The following SVOP variants were observed in gnomAD, a reference collection of about 807,000 sequenced individuals.
SVOP encodes the protein SV2 related protein, also known as synaptic vesicle 2-related protein.
A neutral mutation model predicts 69.1 loss-of-function variants in SVOP; 17 were observed. The ratio of observed to expected loss-of-function variants is 0.25; its 90% confidence interval spans 0.17 to 0.37. SVOP has a LOEUF of 0.37. SVOP is among the 10% of genes least tolerant of loss of function. The probability of loss-of-function intolerance (pLI) is 1.00; values close to 1 mark genes in which losing one functional copy is unlikely to be tolerated. For missense variants in SVOP, 435 were observed against 597.5 expected, an observed-to-expected ratio of 0.73 and a Z score of 2.84; for synonymous variants, 238 against 238.6, an observed-to-expected ratio of 1.00 and a Z score of 0.02.
At chr12:108,929,247 GCTTCCTCCCCTATA>G (rs1293472570) in intron 11 of SVOP, among the ~76,000 whole-genome samples, 1 of 152,206 alleles carries the variant, frequency 6.6e-6, no homozygotes, top group African/African-American at 2.4e-5. Flanking sequence ...GGAAAGATAT[GCTTCCTCCCCTATA>G]CTTGCCTTCA....
chr12:108,966,164 C>T (rs1027406536), intron 5 of SVOP, among the ~76,000 whole-genome samples: 40 of 152,100 alleles, frequency 2.6e-4, no homozygotes, highest in Non-Finnish European at 7.3e-5. Context: ...TCATGCCTGG[C>T]TACATTTTCT....
intron 15 of SVOP, among the ~76,000 whole-genome samples, chr12:108,913,603 A>G (rs1421910645): frequency 6.6e-6 from 1 of 152,168 alleles, no homozygotes; most frequent in Non-Finnish European, 1.5e-5. Flanking sequence ...TGCCTGTGCC[A>G]ACTTCCTAGC....
Position 108,912,472 on chromosome 12 carries a change from T to C in SVOP, c.*63A>G, listed in dbSNP as rs1425910179. 3 of 1,604,430 alleles carry C rather than the reference T, an allele frequency of 1.9e-6. No individual in the cohort carries two copies. The highest frequency in any genetic ancestry group is 2.2e-5 in the East Asian group (1 of 44,688). On this transcript the variant is annotated 3_prime_UTR_variant, in exon 16 of 16. Coordinates refer to ENST00000610966, the MANE Select transcript of SVOP (RefSeq NM_018711.5). The stretch of plus-strand genomic sequence containing the variant: ...TCGGCAGTGACAATCAGTGCCCCAG[T>C]TGGGGCCTGCCAGCCCCCCAAGCTC...
At chr12:108,987,106 T>A (rs975295970) in intron 1 of SVOP, among the ~76,000 whole-genome samples, 1 of 152,200 alleles carries the variant, frequency 6.6e-6, no homozygotes, top group Non-Finnish European at 1.5e-5. Flanking sequence ...TGCTCCATTT[T>A]CCCCTATTCA....
chr12:108,959,784 C>T (rs2040006968), intron 6 of SVOP, among the ~76,000 whole-genome samples: 1 of 152,216 alleles, frequency 6.6e-6, no homozygotes, highest in African/African-American at 2.4e-5. Flanking sequence ...CTCCAAGTCT[C>T]CTTCTGGGTC....
intron 14 of SVOP, among the ~76,000 whole-genome samples, chr12:108,916,314 G>T (rs556276936): frequency 6.6e-6 from 1 of 152,346 alleles, no homozygotes; most frequent in Admixed American, 6.5e-5. Flanking sequence ...AAGTGGCAAA[G>T]TGAGAAGGGA....
chr12:108,962,649 C>T (rs1354031345), intron 5 of SVOP, among the ~76,000 whole-genome samples: 3 of 152,144 alleles, frequency 2.0e-5, no homozygotes, highest in African/African-American at 7.2e-5. Context: ...GGGTCAAGAA[C>T]CACAGAGGGA....
At chr12:108,962,438 A>G (rs1178383751) in intron 5 of SVOP, among the ~76,000 whole-genome samples, 1 of 152,018 alleles carries the variant, frequency 6.6e-6, no homozygotes, top group Non-Finnish European at 1.5e-5. Context: ...AGGTTATTTT[A>G]TCTTTGGAAA....
chr12:108,936,023 T>TACACACACACACAC (rs144380662), intron 10 of SVOP, among the ~76,000 whole-genome samples: 4,309 of 144,566 alleles, frequency 0.03, 151 homozygotes, highest in African/African-American at 0.081. Flanking sequence ...ATAGTATAAA[T>TACACACACACACAC]ACACACACAC....
At chr12:109,003,853 C>G (rs2040289246) in intron 1 of SVOP, among the ~76,000 whole-genome samples, 1 of 152,124 alleles carries the variant, frequency 6.6e-6, no homozygotes, top group South Asian at 2.1e-4. Flanking sequence ...AGTGGTCCTC[C>G]TGCCTCAGCC....
chr12:108,969,552 T>C (rs190089259), intron 5 of SVOP, among the ~76,000 whole-genome samples: 1 of 151,890 alleles, frequency 6.6e-6, no homozygotes, highest in African/African-American at 2.4e-5. Context: ...GTCTCGAACT[T>C]CTGACCTCAG....
chr12:108,934,255 A>C lies in SVOP; in HGVS notation c.988T>G (p.Ser330Ala). 1 of 1,605,172 alleles carries C rather than the reference A, an allele frequency of 6.2e-7. No homozygotes were observed. The highest frequency in any genetic ancestry group is 1.3e-5 in the African/African-American group (1 of 74,948). ...GTGAGTAGAACTAACCCGTAGTAAG[A>C]GAATGCATTGGAAAACCTGCCAGGA... ...LWFIWFSNAFSYYGLVLLTTE... is the reference protein window; with the variant it reads ...LWFIWFSNAFAYYGLVLLTTE... Residue 330 changes from serine (S) to alanine (A), a missense_variant, in exon 11 of 16, where the codon TCT (serine) becomes GCT (alanine). Ser to Ala is a moderately conservative substitution (Grantham distance 99, BLOSUM62 1). Coordinates refer to ENST00000610966, the MANE Select transcript of SVOP (RefSeq NM_018711.5).
chr12:108,936,221 T>A (rs2039855600), intron 10 of SVOP, among the ~76,000 whole-genome samples: 1 of 151,986 alleles, frequency 6.6e-6, no homozygotes. Flanking sequence ...AATTTTTGTA[T>A]TTTAGTAGAG....
chr12:108,937,372 C>T (rs770556961), intron 9 of SVOP, 35 bp from the exon 10 acceptor site: 21 of 1,605,194 alleles, frequency 1.3e-5, no homozygotes, highest in Non-Finnish European at 1.7e-5. Context: ...TTTATTCTCT[C>T]CCCTACAGAT....
At chr12:109,010,089 A>C (rs948014157) in intron 1 of SVOP, among the ~76,000 whole-genome samples, 3 of 149,528 alleles carry the variant, frequency 2.0e-5, no homozygotes, top group Non-Finnish European at 4.4e-5. Context: ...ATGCCACTGC[A>C]CTCCAGCCTG....
intron 14 of SVOP, among the ~76,000 whole-genome samples, 170 bp from the exon 15 acceptor site, chr12:108,916,042 G>A (rs2039711477): frequency 6.6e-6 from 1 of 152,212 alleles, no homozygotes; most frequent in Admixed American, 6.5e-5. Flanking sequence ...GGGCATGGGA[G>A]GCTCAACTCA....
At chr12:108,945,009 A>G in intron 7 of SVOP, 94 bp downstream of exon 7, 1 of 1,192,238 alleles carries the variant, frequency 8.4e-7, no homozygotes, top group Non-Finnish European at 1.2e-6. Flanking sequence ...TTTTTTTCTT[A>G]AACTCCCTTT....
At chr12:108,930,287 G>A (rs2039808545) in intron 11 of SVOP, among the ~76,000 whole-genome samples, 1 of 152,124 alleles carries the variant, frequency 6.6e-6, no homozygotes, top group Admixed American at 6.5e-5. Flanking sequence ...CCAGAATAGG[G>A]TCAGAGACAG....
chr12:108,938,164 TA>T (rs780326556), intron 9 of SVOP, among the ~76,000 whole-genome samples: 2 of 152,240 alleles, frequency 1.3e-5, no homozygotes, highest in Non-Finnish European at 2.9e-5. Context: ...GAATCAGAAA[TA>T]TAACTTTATT....
Sources: gnomAD v4.1 joint callset for allele counts (sites outside exome capture counted in the v4.1 genomes callset) on GRCh38, gnomAD v4.1.1 for gene constraint, MANE v1.5 for transcripts, NCBI Gene and HGNC (gene_info 2026-07-23, HGNC 2026-07-21) for gene names.